EFTUD2: variants seen among roughly 807,000 people sequenced by gnomAD.
EFTUD2 encodes the protein 116 kDa U5 small nuclear ribonucleoprotein component.
EFTUD2 carries 9 observed loss-of-function variants against 114.3 expected under a neutral mutation model. That is an observed-to-expected ratio of 0.08 (90% CI 0.05 to 0.14). The LOEUF (loss-of-function observed/expected upper bound fraction) is 0.14. EFTUD2 is among the 10% of genes least tolerant of loss of function. The pLI is 1.00. For synonymous variants in EFTUD2, 449 were observed against 462.3 expected (o/e 0.97, Z 0.37); for missense variants, 765 against 1,241.2 (o/e 0.62, Z 5.76).
At chr17:44,858,307 C>G (rs1315531600) in intron 19 of EFTUD2, among the ~76,000 whole-genome samples, 1 of 152,192 alleles carries the variant, frequency 6.6e-6, no homozygotes, top group Non-Finnish European at 1.5e-5. Context: ...ATGATCGTAG[C>G]TCACTGCAGC....
At chr17:44,867,297 A>ATT (rs3058538) in intron 13 of EFTUD2, among the ~76,000 whole-genome samples, 25,084 of 121,228 alleles carry the variant, frequency 0.21, 2,852 homozygotes, top group Middle Eastern at 0.33. Context: ...CTTTCCTTTG[A>ATT]TTTTTTTTTT....
chr17:44,856,412 C>T lies in EFTUD2; in HGVS notation c.2045+663G>A, dbSNP rs2050555263. ...AGGTGTGGTGGTGCGTGCATGTAAT[C>T]CCTGCTACTGGGGAAGCTGAGGCAC... On this transcript the variant is annotated intron_variant, in intron 20 of 27. Transcript: ENST00000426333. Among the ~76,000 whole-genome samples the T allele has an allele frequency of 2.0e-5, 3 of 151,916 alleles. No individual in the cohort carries two copies. In the South Asian group the frequency reaches 6.2e-4, roughly 31 times the overall value.
intron 11 of EFTUD2, among the ~76,000 whole-genome samples, chr17:44,869,596 G>A (rs2050811091): frequency 6.6e-6 from 1 of 152,154 alleles, no homozygotes. Context: ...ACTGGACCTA[G>A]CCTGAACTTG....
At position 44,875,936 on chromosome 17, in the gene EFTUD2, T is replaced by C. The variant is rs1317639207; in HGVS notation, c.867A>G (p.Ile289Met). ...ATCCACTCCCAGGGGTTTTCTACCT[T>C]ATTAATCCATTGACCTCATCCACAA... ...RHIVDEVNGL[I>M]SMYSTDENLI... The change falls in exon 10 of 28, where the codon ATA becomes ATG. Residue 289 changes from isoleucine (I) to methionine (M), a missense_variant and splice_region_variant. This residue lies in a region of EFTUD2 where 251 missense variants were observed against 357.7 expected (regional missense o/e 0.70). Coordinates refer to ENST00000426333, the MANE Select transcript of EFTUD2 (RefSeq NM_004247.4). 1 of 1,613,548 alleles carries C rather than the reference T, an allele frequency of 6.2e-7. No homozygotes were observed. The highest frequency in any genetic ancestry group is 1.3e-5 in the African/African-American group (1 of 75,012).
At chr17:44,888,957 G>A (rs937000051) in intron 2 of EFTUD2, among the ~76,000 whole-genome samples, 7 of 152,314 alleles carry the variant, frequency 4.6e-5, no homozygotes, top group African/African-American at 1.4e-4. Flanking sequence ...TAGACTGGAT[G>A]AGATCCCCAG....
intron 8 of EFTUD2, among the ~76,000 whole-genome samples, chr17:44,880,243 G>A (rs550055395): frequency 6.6e-6 from 1 of 152,314 alleles, no homozygotes; most frequent in East Asian, 1.9e-4. Context: ...GCCAGGGACT[G>A]GCTCTGACTC....
At chr17:44,862,607 A>G in intron 16 of EFTUD2, 106 bp downstream of exon 16, 1 of 1,136,800 alleles carries the variant, frequency 8.8e-7, no homozygotes, top group Non-Finnish European at 1.2e-6. Context: ...CCCCTCTTGC[A>G]CAGAGCCTTG....
chr17:44,853,253 T>C (rs1172827792), intron 25 of EFTUD2, 43 bp downstream of exon 25: 2 of 1,600,012 alleles, frequency 1.2e-6, no homozygotes, highest in African/African-American at 2.7e-5. Flanking sequence ...CTTGTTCTGC[T>C]CTTGCTCTCA....
chr17:44,873,192 T>C (rs1046426528), intron 10 of EFTUD2: 2 of 152,244 alleles, frequency 1.3e-5, no homozygotes, highest in African/African-American at 4.8e-5. Flanking sequence ...TGTCCCAATA[T>C]AGAAATAAAG....
intron 25 of EFTUD2, among the ~76,000 whole-genome samples, 200 bp from the exon 26 acceptor site, chr17:44,852,762 C>A (rs1259147526): frequency 6.6e-6 from 1 of 152,202 alleles, no homozygotes; most frequent in Non-Finnish European, 1.5e-5. Context: ...GTGGCAGCAA[C>A]CTCTGGGCAG....
intron 9 of EFTUD2, among the ~76,000 whole-genome samples, chr17:44,876,544 CT>C (rs1207088300): frequency 6.6e-6 from 1 of 152,150 alleles, no homozygotes; most frequent in African/African-American, 2.4e-5. Context: ...ACATCCAAAC[CT>C]TTGTTTCTAA....
At position 44,863,732 on chromosome 17, in the gene EFTUD2, T is replaced by C; in HGVS notation, c.1336A>G (p.Lys446Glu). 1 of 1,614,208 alleles carries C rather than the reference T, an allele frequency of 6.2e-7. No individual in the cohort carries two copies. The highest frequency in any genetic ancestry group is 8.5e-7 in the Non-Finnish European group (1 of 1,180,016). Residue 446 changes from lysine to glutamate, a missense_variant, in exon 15 of 28, where the codon AAG becomes GAG. Lys to Glu is a moderately conservative substitution (Grantham distance 56). Coordinates refer to ENST00000426333, the MANE Select transcript of EFTUD2 (RefSeq NM_004247.4). The stretch of plus-strand genomic sequence containing the variant: ...GTGTAGGTGTGCTCAATCTTGGGCT[T>C]GGCGCCCACCTTTGGAGAAGGGATA... ...QHIPSPKVGA[K>E]PKIEHTYTGG...
intron 11 of EFTUD2, among the ~76,000 whole-genome samples, chr17:44,870,596 G>A (rs1331565168): frequency 1.3e-5 from 2 of 152,158 alleles, no homozygotes; most frequent in Non-Finnish European, 2.9e-5. Context: ...TCCTTAGCCT[G>A]CTCAATGTGA....
intron 5 of EFTUD2, 187 bp downstream of exon 5, chr17:44,883,451 GGCTTAGGAACA>G (rs2051109286): frequency 1.6e-6 from 1 of 620,512 alleles, no homozygotes; most frequent in African/African-American, 1.8e-5. Context: ...GCATGCAAGT[GGCTTAGGAACA>G]GGCTCCACCT....
intron 27 of EFTUD2, 90 bp downstream of exon 27, chr17:44,851,620 A>G: frequency 7.7e-7 from 1 of 1,302,214 alleles, no homozygotes; most frequent in Admixed American, 2.8e-5. Flanking sequence ...AGTGTCCCTT[A>G]GGAAAAGGGG....
At chr17:44,872,411 G>A in intron 11 of EFTUD2, 35 bp downstream of exon 11, 1 of 1,607,996 alleles carries the variant, frequency 6.2e-7, no homozygotes, top group Non-Finnish European at 8.5e-7. Context: ...GGACTCAGGG[G>A]AAGCTGGTGA....
At chr17:44,880,797 TAA>T (rs2051059697) in intron 7 of EFTUD2, among the ~76,000 whole-genome samples, 153 bp from the exon 8 acceptor site, 1 of 152,258 alleles carries the variant, frequency 6.6e-6, no homozygotes. Flanking sequence ...ACCTTGAAGA[TAA>T]AATATCTTGG....
intron 9 of EFTUD2, among the ~76,000 whole-genome samples, chr17:44,877,269 C>T (rs1312916160): frequency 1.3e-5 from 2 of 151,368 alleles, no homozygotes; most frequent in African/African-American, 2.4e-5. Context: ...GGAAAGATAA[C>T]GTCTAGAACA....
intron 19 of EFTUD2, chr17:44,857,391 G>A (rs564463307): frequency 4.6e-6 from 2 of 437,468 alleles, no homozygotes; most frequent in East Asian, 4.6e-5. Flanking sequence ...CCAAGAGTAA[G>A]TGGGGTATCA....
Sources: gnomAD v4.1 joint callset for allele counts (sites outside exome capture counted in the v4.1 genomes callset) on GRCh38, gnomAD v4.1.1 for gene constraint, gnomAD v4.1.1 regional missense constraint, MANE v1.5 for transcripts, NCBI Gene and HGNC (gene_info 2026-07-23, HGNC 2026-07-21) for gene names.